NRXN3: variants seen among roughly 807,000 people sequenced by gnomAD.
NRXN3 encodes neurexin III.
In NRXN3, 32 loss-of-function variants were observed where a neutral mutation model predicts 137.6. The ratio of observed to expected loss-of-function variants is 0.23; its 90% CI spans 0.18 to 0.31. NRXN3 has a LOEUF of 0.31. Among genes scored for constraint, NRXN3 ranks in the 10% least tolerant of loss-of-function variants. The pLI, the probability that NRXN3 is intolerant of heterozygous loss-of-function variation, is 1.00. For missense variants in NRXN3, 1,574 were observed against 2,062.5 expected, an observed-to-expected ratio of 0.76 and a Z score of 4.59; for synonymous variants, 798 against 784.5, an observed-to-expected ratio of 1.02 and a Z score of -0.29.
chr14:78,259,196 C>T (rs554605283), intron 2 of NRXN3, among the ~76,000 whole-genome samples: 114 of 151,554 alleles, frequency 7.5e-4, no homozygotes, highest in Non-Finnish European at 1.2e-3. Flanking sequence ...GTCTCATATG[C>T]GGTGATGACG....
intron 8 of NRXN3, among the ~76,000 whole-genome samples, chr14:78,749,649 T>G (rs2098631513): frequency 1.3e-5 from 2 of 152,238 alleles, no homozygotes; most frequent in South Asian, 4.1e-4. Flanking sequence ...AGTGTGCATG[T>G]ATCTTAATTC....
chr14:78,839,104 A>G (rs1177966914), intron 10 of NRXN3, among the ~76,000 whole-genome samples: 1 of 152,186 alleles, frequency 6.6e-6, no homozygotes, highest in Non-Finnish European at 1.5e-5. Flanking sequence ...GTGCAAAGTT[A>G]ACAACTTGAC....
intron 1 of NRXN3, among the ~76,000 whole-genome samples, chr14:78,194,376 T>C (rs2153381631): frequency 6.6e-6 from 1 of 152,294 alleles, no homozygotes; most frequent in African/African-American, 2.4e-5. Flanking sequence ...ACTCAACCCA[T>C]TGCTGGGGAG....
intron 1 of NRXN3, among the ~76,000 whole-genome samples, chr14:78,240,689 C>T (rs1037709201): frequency 4.6e-5 from 7 of 152,168 alleles, no homozygotes; most frequent in African/African-American, 1.7e-4. Context: ...TGGCACAGCA[C>T]CTGTGCCACA....
intron 4 of NRXN3, among the ~76,000 whole-genome samples, chr14:78,432,984 A>G (rs2093944382): frequency 6.6e-6 from 1 of 152,186 alleles, no homozygotes; most frequent in Admixed American, 6.5e-5. Context: ...TTAAAACAAG[A>G]TACGTTTATT....
intron 14 of NRXN3, among the ~76,000 whole-genome samples, chr14:78,982,257 G>A (rs1415400866): frequency 1.3e-5 from 2 of 151,742 alleles, no homozygotes; most frequent in South Asian, 2.1e-4. Flanking sequence ...TTGTTATTTA[G>A]TTCTTTCTTT....
intron 9 of NRXN3, among the ~76,000 whole-genome samples, chr14:78,809,413 T>G (rs890227346): frequency 6.6e-6 from 1 of 152,210 alleles, no homozygotes; most frequent in Admixed American, 6.5e-5. Flanking sequence ...CTGTGGGCAC[T>G]TGATTCAGTC....
At chr14:79,040,416 A>G (rs556702447) in intron 15 of NRXN3, among the ~76,000 whole-genome samples, 1 of 152,324 alleles carries the variant, frequency 6.6e-6, no homozygotes, top group Non-Finnish European at 1.5e-5. Flanking sequence ...AAAGAAAAAG[A>G]TGGGTGAAGA....
At chr14:78,912,753 G>A (rs1176245941) in intron 10 of NRXN3, among the ~76,000 whole-genome samples, 2 of 152,136 alleles carry the variant, frequency 1.3e-5, no homozygotes, top group Non-Finnish European at 2.9e-5. Flanking sequence ...AGTGCTTGGA[G>A]TTTCTGAGTG....
chr14:78,636,821 C>A (rs1220209246), intron 4 of NRXN3, among the ~76,000 whole-genome samples: 1 of 143,390 alleles, frequency 7.0e-6, no homozygotes, highest in Non-Finnish European at 1.5e-5. Flanking sequence ...TTGTGTATTT[C>A]TTTTTTTATT....
At chr14:78,270,179 C>G (rs988328145) in intron 2 of NRXN3, among the ~76,000 whole-genome samples, 2 of 152,306 alleles carry the variant, frequency 1.3e-5, no homozygotes, top group East Asian at 1.9e-4. Context: ...CTCTTAACCT[C>G]TATCCTATCT....
intron 16 of NRXN3, among the ~76,000 whole-genome samples, chr14:79,470,888 AAGAG>A (rs199926307): frequency 1.5e-4 from 17 of 114,162 alleles, no homozygotes; most frequent in South Asian, 3.0e-4. Flanking sequence ...GAGAGAGAGA[AAGAG>A]AGAGAGAGAG....
chr14:78,421,951 C>G (rs2093465734), intron 4 of NRXN3, among the ~76,000 whole-genome samples: 1 of 152,118 alleles, frequency 6.6e-6, no homozygotes, highest in Admixed American at 6.5e-5. Context: ...TAATCTTATG[C>G]AGTATTGGAA....
chr14:79,521,558 T>G (rs1018003508), intron 16 of NRXN3, among the ~76,000 whole-genome samples: 2 of 152,186 alleles, frequency 1.3e-5, no homozygotes, highest in African/African-American at 4.8e-5. Flanking sequence ...CAGTGAATCA[T>G]CTTTCTTAAT....
chr14:79,589,550 T>TAAAAAAAAAAAAA (rs58740411), intron 16 of NRXN3, among the ~76,000 whole-genome samples: 1 of 87,020 alleles, frequency 1.1e-5, no homozygotes, highest in East Asian at 3.5e-4. Flanking sequence ...GTAGAATACC[T>TAAAAAAAAAAAAA]AAAAAAAAAA....
At position 79,584,668 on chromosome 14, in the gene NRXN3, A is replaced by G. The variant is rs367623710; in HGVS notation, c.3445-79110A>G. Among the ~76,000 whole-genome samples, 11 of 152,316 alleles carry G rather than the reference A, an allele frequency of 7.2e-5. No homozygotes were observed. The East Asian group carries it at 1.4e-3, about 19-fold the overall frequency. On this transcript the variant is annotated intron_variant, in intron 16 of 20. Transcript: ENST00000335750. ...TTTCTCCCACAACCCAGCTACTGCT[A>G]TGGGTACAGCTTTAGTGCTCTGCGG...
At chr14:78,212,970 C>T (rs560814738) in intron 1 of NRXN3, among the ~76,000 whole-genome samples, 42 of 152,164 alleles carry the variant, frequency 2.8e-4, no homozygotes, top group Non-Finnish European at 4.3e-4. Context: ...ACTAGGCCTC[C>T]CTTTTGTTAG....
chr14:79,170,432 T>C (rs1330340822), intron 15 of NRXN3, among the ~76,000 whole-genome samples: 2 of 152,124 alleles, frequency 1.3e-5, no homozygotes, highest in Non-Finnish European at 2.9e-5. Context: ...AGATGGGTGC[T>C]ATCCACAGTA....
chr14:78,264,322 A>G (rs1409956502), intron 2 of NRXN3, among the ~76,000 whole-genome samples: 1 of 152,186 alleles, frequency 6.6e-6, no homozygotes, highest in South Asian at 2.1e-4. Context: ...AGCCTCCCCA[A>G]GAAATGGCAG....
Sources: allele counts gnomAD v4.1 joint callset (sites outside exome capture counted in the v4.1 genomes callset), GRCh38; gene constraint gnomAD v4.1.1; transcripts MANE v1.5; gene names NCBI Gene and HGNC (gene_info 2026-07-23, HGNC 2026-07-21).